The following RADX variants were observed in gnomAD, a reference collection of about 807,000 sequenced individuals.
The protein encoded by RADX is RPA-related protein RADX.
In RADX, 36 loss-of-function variants were observed where a neutral mutation model predicts 61.6. The observed-to-expected ratio is 0.58, with a 90% CI of 0.45 to 0.77. The LOEUF (loss-of-function observed/expected upper bound fraction) is 0.77, where lower values mean the gene tolerates loss of function less well. Among genes scored for constraint, RADX ranks in the 30% least tolerant of loss-of-function variants. The pLI is 0.00. For missense variants in RADX, 497 were observed against 651.1 expected (o/e 0.76, Z 2.58); for synonymous variants, 272 against 237.9 (o/e 1.14, Z -1.32).
At chrX:106,676,865 CAT>C (rs1306275141) in intron 13 of RADX, among the ~76,000 whole-genome samples, 1 of 111,384 alleles carries the variant, frequency 9.0e-6, no homozygotes, top group Non-Finnish European at 1.9e-5. Context: ...TTTTTCTGAC[CAT>C]ATGTCTGCCC....
At chrX:106,668,081 T>C (rs1350817535) in intron 12 of RADX, among the ~76,000 whole-genome samples, 1 of 111,679 alleles carries the variant, frequency 9.0e-6, no homozygotes, top group Non-Finnish European at 1.9e-5. Context: ...TAGTAATCCT[T>C]AGAAAGCGCT....
chrX:106,677,670 T>G (rs1928544295), intron 13 of RADX, among the ~76,000 whole-genome samples: 1 of 111,371 alleles, frequency 9.0e-6, no homozygotes, highest in South Asian at 3.8e-4. Context: ...TATACATATA[T>G]TTATGCGGTA....
At chrX:106,642,989 T>G (rs1475856439) in intron 10 of RADX, among the ~76,000 whole-genome samples, 1 of 111,270 alleles carries the variant, frequency 9.0e-6, no homozygotes, top group Non-Finnish European at 1.9e-5. Flanking sequence ...TTGAGGGTTT[T>G]TTTCATGAAG....
At chrX:106,627,851 T>A (rs1426066693) in intron 3 of RADX, among the ~76,000 whole-genome samples, 8 of 111,701 alleles carry the variant, frequency 7.2e-5, no homozygotes, top group South Asian at 3.7e-4. Flanking sequence ...TTATTTATTT[T>A]TTGAGACAGA....
intron 2 of RADX, 56 bp downstream of exon 2, chrX:106,622,849 C>A (rs933279034): frequency 1.5e-6 from 1 of 666,494 alleles, no homozygotes; most frequent in Non-Finnish European, 2.2e-6. Flanking sequence ...ATAGCTTACA[C>A]ACCTCACTCC....
At position 106,612,125 on chromosome X, in the gene RADX, A is replaced by G. The variant is rs761819457; in HGVS notation, c.45A>G (p.Ala15=). The G allele has an allele frequency of 1.2e-5, 14 of 1,211,349 alleles. No homozygotes were observed. The Admixed American group carries it at 3.0e-4, about 26-fold the overall frequency. Residue 15 remains alanine, a synonymous_variant, in exon 1 of 14, where the codon GCA becomes GCG. Coordinates refer to ENST00000372548, the MANE Select transcript of RADX (RefSeq NM_018015.6). ...AGCCTGAGGCTGGTCCCTCACATGC[A>G]GGGCTAGATTGGCCGAACCCTGAGA... is the stretch of plus-strand genomic sequence containing the variant. ...SGQPEAGPSH[A]GLDWPNPERN...
intron 13 of RADX, among the ~76,000 whole-genome samples, chrX:106,674,831 C>A (rs1166553603): frequency 9.0e-6 from 1 of 111,155 alleles, no homozygotes; most frequent in Non-Finnish European, 1.9e-5. Context: ...CGAGACCATC[C>A]TGGCCAACAT....
Position 106,612,338 on chromosome X carries a change from G to C in RADX, c.258G>C (p.Thr86=). ...RYLLEDEPRD[T]VPKPPLYCYD... ...TGTTAGAGGATGAGCCACGCGACAC[G>C]GTGCCCAAGCCTCCCCTTTATTGCT... The change falls in exon 1 of 14, where the codon ACG becomes ACC. Residue 86 remains threonine, a synonymous_variant. Coordinates refer to ENST00000372548, the MANE Select transcript of RADX (RefSeq NM_018015.6). 8.3e-7 allele frequency: 1 copy of C among 1,211,818 alleles called. No individual in the cohort carries two copies. The highest frequency in any genetic ancestry group is 1.1e-6 in the Non-Finnish European group (1 of 895,546).
At chrX:106,670,518 T>C (rs1928338632) in intron 13 of RADX, among the ~76,000 whole-genome samples, 1 of 110,560 alleles carries the variant, frequency 9.0e-6, no homozygotes, top group Non-Finnish European at 1.9e-5. Flanking sequence ...ACGCAGGTAA[T>C]ATTTGAAATG....
At chrX:106,631,741 AAAGG>A (rs1318257174) in intron 3 of RADX, among the ~76,000 whole-genome samples, 122 of 104,890 alleles carry the variant, frequency 1.2e-3, no homozygotes, top group African/African-American at 3.9e-3. Flanking sequence ...AAGAAGGAAG[AAAGG>A]AAGGAAGGGA....
intron 13 of RADX, among the ~76,000 whole-genome samples, chrX:106,672,018 T>G (rs1275091357): frequency 8.9e-6 from 1 of 111,846 alleles, no homozygotes; most frequent in Non-Finnish European, 1.9e-5. Context: ...TTGTAGCTGC[T>G]GGTTTTATGT....
chrX:106,629,674 C>T, intron 3 of RADX, among the ~76,000 whole-genome samples: 1 of 111,582 alleles, frequency 9.0e-6, no homozygotes, highest in Middle Eastern at 4.7e-3. Context: ...TTCTCAAACT[C>T]ATATTTTGCT....
At chrX:106,625,040 A>T in intron 2 of RADX, 50 bp from the exon 3 acceptor site, 1 of 872,887 alleles carries the variant, frequency 1.1e-6, no homozygotes, top group Non-Finnish European at 1.6e-6. Context: ...TATTATCTGT[A>T]CAGATAAAAG....
At chrX:106,651,345 A>T (rs1927789425) in intron 11 of RADX, among the ~76,000 whole-genome samples, 1 of 111,438 alleles carries the variant, frequency 9.0e-6, no homozygotes, top group Admixed American at 9.6e-5. Flanking sequence ...CTGGAATTTT[A>T]TGTCTACCTA....
At chrX:106,633,338 A>G in intron 6 of RADX, 86 bp downstream of exon 6, 1 of 814,415 alleles carries the variant, frequency 1.2e-6, no homozygotes, top group Non-Finnish European at 1.7e-6. Context: ...TTACAGAAGT[A>G]GGGTGACATT....
At chrX:106,630,316 CCAA>C (rs1239366993) in intron 3 of RADX, among the ~76,000 whole-genome samples, 1 of 106,121 alleles carries the variant, frequency 9.4e-6, no homozygotes, top group East Asian at 3.0e-4. Context: ...CAGAGCAATA[CCAA>C]CAACAACTAC....
At chrX:106,625,382 G>A (rs941551293) in intron 3 of RADX, 100 bp downstream of exon 3, 2 of 507,072 alleles carry the variant, frequency 3.9e-6, no homozygotes, top group Non-Finnish European at 6.0e-6. Flanking sequence ...TACTGAAGCT[G>A]TTAGAACCTA....
intron 12 of RADX, among the ~76,000 whole-genome samples, chrX:106,667,012 C>A (rs1928243659): frequency 8.9e-6 from 1 of 112,427 alleles, no homozygotes; most frequent in Admixed American, 9.4e-5. Flanking sequence ...GTGTGCCTAG[C>A]ACTCTTCTAA....
chrX:106,666,533 T>A (rs1928233871), intron 12 of RADX, among the ~76,000 whole-genome samples: 1 of 111,956 alleles, frequency 8.9e-6, no homozygotes, highest in South Asian at 3.7e-4. Context: ...AAATAATTGA[T>A]CCTGAGCCCA....
Sources: gnomAD v4.1 joint callset for allele counts (sites outside exome capture counted in the v4.1 genomes callset) on GRCh38, gnomAD v4.1.1 for gene constraint, MANE v1.5 for transcripts, NCBI Gene and HGNC (gene_info 2026-07-23, HGNC 2026-07-21) for gene names.